DICER1: variants seen among roughly 807,000 people sequenced by gnomAD.
The protein encoded by DICER1 is endoribonuclease Dicer.
Under a neutral mutation model 194.1 loss-of-function variants are expected in DICER1, and 43 were observed. The ratio of observed to expected loss-of-function variants is 0.22; its 90% CI spans 0.17 to 0.29. The LOEUF (loss-of-function observed/expected upper bound fraction) is 0.29, where lower values mean the gene tolerates loss of function less well. Ranked by LOEUF, DICER1 falls within the 10% of genes least tolerant of loss-of-function variation. The probability of loss-of-function intolerance (pLI) is 1.00; values close to 1 mark genes in which losing one functional copy is unlikely to be tolerated. For synonymous variants in DICER1, 832 were observed against 820.5 expected (o/e 1.01, Z -0.24); for missense variants, 1,608 against 2,317.0 (o/e 0.69, Z 6.28).
intron 1 of DICER1, chr14:95,140,806 G>A (rs1327390996): frequency 6.6e-6 from 1 of 152,160 alleles, no homozygotes; most frequent in Non-Finnish European, 1.5e-5. Flanking sequence ...CCTGTAAACT[G>A]AACAGAAACA....
At chr14:95,117,850 T>C in intron 8 of DICER1, 96 bp from the exon 9 acceptor site, 1 of 1,214,098 alleles carries the variant, frequency 8.2e-7, no homozygotes, top group Non-Finnish European at 1.2e-6. Flanking sequence ...ACATGCATTT[T>C]TTGCAAACAT....
chr14:95,107,396 G>A (rs1485634358), intron 17 of DICER1, among the ~76,000 whole-genome samples: 3 of 151,914 alleles, frequency 2.0e-5, no homozygotes, highest in African/African-American at 4.8e-5. Flanking sequence ...GACTACAGGC[G>A]TGCACCACCA....
chr14:95,126,481 G>T, intron 7 of DICER1, 99 bp downstream of exon 7: 1 of 777,652 alleles, frequency 1.3e-6, no homozygotes, highest in Non-Finnish European at 2.1e-6. Flanking sequence ...AAACTAAAAT[G>T]CAAAGAAAAG....
chr14:95,126,599 G>T lies in DICER1; in HGVS notation c.884C>A (p.Ser295Tyr). Residue 295 changes from serine (S) to tyrosine (Y), a missense_variant, in exon 7 of 27, where the codon TCT becomes TAT. This residue lies in a region of DICER1 where 657 missense variants were observed against 910.1 expected (regional missense o/e 0.72). Transcript: ENST00000343455. The stretch of plus-strand genomic sequence containing the variant: ...GCTTACCTGTTTCGAAATTAAAGTA[G>T]AATCTCTTTCTTTTGAATGTACAGA... Reference protein sequence around the residue: ...NISVHSKERDSTLISKQILSD... With the variant: ...NISVHSKERDYTLISKQILSD... The T allele has an allele frequency of 6.5e-7, 1 of 1,534,532 alleles. No individual in the cohort carries two copies. The highest frequency in any genetic ancestry group is 9.0e-7 in the Non-Finnish European group (1 of 1,108,100).
intron 1 of DICER1, among the ~76,000 whole-genome samples, chr14:95,156,923 T>C (rs1895921166): frequency 6.6e-6 from 1 of 151,580 alleles, no homozygotes; most frequent in Non-Finnish European, 1.5e-5. Flanking sequence ...GGCCGGGGAG[T>C]GGACAGGCGC....
At chr14:95,157,093 C>T (rs1326114729) in intron 1 of DICER1, 137 bp downstream of exon 1, 3 of 150,838 alleles carry the variant, frequency 2.0e-5, no homozygotes, top group Non-Finnish European at 4.4e-5. Flanking sequence ...CCGCGCCCTT[C>T]GTCAGCGCCC....
chr14:95,146,281 T>C (rs774440769), intron 1 of DICER1, among the ~76,000 whole-genome samples: 72 of 152,236 alleles, frequency 4.7e-4, no homozygotes, highest in Non-Finnish European at 9.7e-4. Context: ...TTTGGCACAC[T>C]TTCCTCTGAT....
At chr14:95,094,581 T>C (rs17091802) in intron 23 of DICER1, among the ~76,000 whole-genome samples, 4,186 of 152,254 alleles carry the variant, frequency 0.027, 190 homozygotes, top group African/African-American at 0.094. Flanking sequence ...TGTGCTGCCA[T>C]CGCTAAAGTC....
chr14:95,146,467 G>GA (rs1471479594), intron 1 of DICER1, among the ~76,000 whole-genome samples: 86 of 152,316 alleles, frequency 5.6e-4, no homozygotes, highest in Admixed American at 1.4e-3. Flanking sequence ...CACACTGGGG[G>GA]AAAAACCACA....
chr14:95,132,807 A>C lies in DICER1; in HGVS notation c.145-130T>G, dbSNP rs568885831. The C allele has an allele frequency of 1.9e-4, 163 of 866,516 alleles. No individual in the cohort carries two copies. In the African/African-American group the frequency reaches 2.0e-3, roughly 11 times the overall value. The allele number at this position is 866,516 out of a possible 1,614,324, so 53.7% of individuals were successfully genotyped here. On this transcript the variant is annotated intron_variant, in intron 2 of 26. Transcript: ENST00000343455. Reference sequence around the variant, plus strand: ...GTCCTCCAATAAATTTACAAAAAAAACCCCACAGTCTACGTCTTTATACGA... The same window carrying C: ...GTCCTCCAATAAATTTACAAAAAAACCCCCACAGTCTACGTCTTTATACGA...
rs2139741784 is a variant in DICER1, at chr14:95,087,448, T to C, written c.*3050A>G. 1 of 233,236 alleles carries C rather than the reference T, an allele frequency of 4.3e-6. No homozygotes were observed. The highest frequency in any genetic ancestry group is 8.5e-6 in the Non-Finnish European group (1 of 117,966). The allele number at this position is 233,236 out of a possible 1,614,324, so 14.4% of individuals were successfully genotyped here. On this transcript the variant is annotated 3_prime_UTR_variant, in exon 27 of 27. Coordinates refer to ENST00000343455, the MANE Select transcript of DICER1 (RefSeq NM_177438.3). ...AAATGCCACAGACAAAAATGACCTA[T>C]TTAAGTTGTGCGAGTATATGACACA... is the stretch of plus-strand genomic sequence containing the variant.
At chr14:95,156,751 G>A (rs1003210498) in intron 1 of DICER1, among the ~76,000 whole-genome samples, 4 of 152,138 alleles carry the variant, frequency 2.6e-5, no homozygotes, top group Non-Finnish European at 5.9e-5. Context: ...TCCCGGGAGG[G>A]ACCGAGAGCC....
intron 8 of DICER1, among the ~76,000 whole-genome samples, chr14:95,118,277 C>T (rs1328796668): frequency 6.6e-6 from 1 of 152,196 alleles, no homozygotes; most frequent in Non-Finnish European, 1.5e-5. Flanking sequence ...CCTTCACCCC[C>T]AACAAATGTA....
At chr14:95,133,249 T>A (rs548269446) in intron 2 of DICER1, 66 bp downstream of exon 2, 1 of 1,555,136 alleles carries the variant, frequency 6.4e-7, no homozygotes, top group East Asian at 2.2e-5. Flanking sequence ...ATAAGTTGTG[T>A]CAACTATATG....
intron 8 of DICER1, among the ~76,000 whole-genome samples, chr14:95,120,516 G>A (rs891693647): frequency 4.6e-5 from 7 of 152,266 alleles, no homozygotes; most frequent in South Asian, 2.1e-4. Context: ...AAGTCTCCTC[G>A]GCAAAATGGC....
chr14:95,110,557 C>T (rs936524092), intron 14 of DICER1, among the ~76,000 whole-genome samples: 9 of 152,030 alleles, frequency 5.9e-5, no homozygotes, highest in South Asian at 2.1e-4. Flanking sequence ...AATGAAACAA[C>T]GTTGAGCTGC....
chr14:95,137,611 A>C (rs759931395), intron 1 of DICER1, among the ~76,000 whole-genome samples: 1 of 152,168 alleles, frequency 6.6e-6, no homozygotes. Flanking sequence ...GGATCAAAGC[A>C]GAAAGCCATC....
intron 26 of DICER1, 49 bp from the exon 27 acceptor site, chr14:95,090,712 T>A (rs1324439166): frequency 1.2e-6 from 2 of 1,602,306 alleles, no homozygotes; most frequent in African/African-American, 2.7e-5. Context: ...GTATTTATTA[T>A]CATTGTCAAT....
chr14:95,126,872 A>C (rs1893519209), intron 6 of DICER1, 124 bp from the exon 7 acceptor site: 2 of 663,450 alleles, frequency 3.0e-6, no homozygotes, highest in African/African-American at 1.8e-5. Flanking sequence ...AAATGCCAGA[A>C]TGTTAGCAGT....
Sources: allele counts gnomAD v4.1 joint callset (sites outside exome capture counted in the v4.1 genomes callset), GRCh38; gene constraint gnomAD v4.1.1; regional missense constraint gnomAD v4.1.1; transcripts MANE v1.5; gene names NCBI Gene and HGNC (gene_info 2026-07-23, HGNC 2026-07-21).